The following EMSY variants were observed in gnomAD, a reference collection of about 807,000 sequenced individuals.
EMSY encodes EMSY transcriptional repressor, BRCA2 interacting.
In EMSY, 26 loss-of-function variants were observed where a neutral mutation model predicts 134.6. That is an observed-to-expected ratio of 0.19 (90% CI 0.14 to 0.27). The LOEUF is 0.27. EMSY is among the 10% of genes least tolerant of loss of function. The pLI is 1.00. For synonymous variants in EMSY, 579 were observed against 577.8 expected, an observed-to-expected ratio of 1.00 and a Z score of -0.03; for missense variants, 1,305 against 1,611.4, an observed-to-expected ratio of 0.81 and a Z score of 3.26.
chr11:76,453,107 A>G (rs907758462), intron 3 of EMSY, among the ~76,000 whole-genome samples: 4 of 152,196 alleles, frequency 2.6e-5, no homozygotes, highest in Non-Finnish European at 4.4e-5. Flanking sequence ...GCAACTAAAT[A>G]TTTCTTCAGT....
intron 2 of EMSY, among the ~76,000 whole-genome samples, chr11:76,448,686 C>CT (rs1356572407): frequency 6.6e-6 from 1 of 151,672 alleles, no homozygotes; most frequent in African/African-American, 2.4e-5. Context: ...GGGAGGTGAG[C>CT]TTTGATAGTG....
chr11:76,535,245 C>G (rs1254118745), intron 14 of EMSY, among the ~76,000 whole-genome samples: 2 of 152,124 alleles, frequency 1.3e-5, no homozygotes, highest in Non-Finnish European at 2.9e-5. Context: ...AAAGAATCAA[C>G]TTGCTAATAA....
intron 8 of EMSY, among the ~76,000 whole-genome samples, chr11:76,491,043 T>G (rs1049319292): frequency 3.9e-5 from 6 of 152,180 alleles, no homozygotes; most frequent in African/African-American, 9.7e-5. Flanking sequence ...TTTCCTGATA[T>G]GTAACCAAAT....
At chr11:76,506,562 G>A (rs1040873014) in intron 9 of EMSY, among the ~76,000 whole-genome samples, 1 of 152,126 alleles carries the variant, frequency 6.6e-6, no homozygotes, top group Non-Finnish European at 1.5e-5. Flanking sequence ...GATACAGATA[G>A]CACACAAAAA....
At chr11:76,472,776 T>C (rs2135364704) in exon 8 of EMSY, 2 of 1,614,162 alleles carry the variant, frequency 1.2e-6, no homozygotes, top group East Asian at 2.2e-5. Flanking sequence ...CTATTCCTAA[T>C]ACAGTTGCAG....
At chr11:76,483,701 A>C (rs1031343731) in intron 8 of EMSY, among the ~76,000 whole-genome samples, 2 of 152,232 alleles carry the variant, frequency 1.3e-5, no homozygotes, top group Non-Finnish European at 2.9e-5. Flanking sequence ...AGAGCTAACT[A>C]TCCTAAATAT....
intron 14 of EMSY, 147 bp from the exon 16 acceptor site, chr11:76,535,748 G>A (rs1189438606): frequency 1.1e-5 from 6 of 536,220 alleles, no homozygotes; most frequent in African/African-American, 3.9e-5. Flanking sequence ...ATGCCTTCTA[G>A]GGGCTTATAG....
At chr11:76,546,067 G>A in exon 20 of EMSY, 1 of 1,614,166 alleles carries the variant, frequency 6.2e-7, no homozygotes, top group Non-Finnish European at 8.5e-7. Flanking sequence ...CATGCTCACT[G>A]GTGAAGCAGG....
intron 7 of EMSY, among the ~76,000 whole-genome samples, chr11:76,468,672 TTG>T (rs1189921520): frequency 6.6e-6 from 1 of 152,252 alleles, no homozygotes; most frequent in Non-Finnish European, 1.5e-5. Flanking sequence ...ATTTATGAAT[TTG>T]TGGACTTTAT....
intron 7 of EMSY, among the ~76,000 whole-genome samples, chr11:76,467,582 G>T (rs1291574178): frequency 2.0e-5 from 3 of 152,164 alleles, no homozygotes; most frequent in Non-Finnish European, 1.5e-5. Context: ...TACCTGGCAT[G>T]TAGTAAGTGC....
intron 20 of EMSY, 73 bp from the exon 22 acceptor site, chr11:76,549,879 T>C (rs1280730689): frequency 4.6e-6 from 6 of 1,316,554 alleles, no homozygotes; most frequent in African/African-American, 1.5e-5. Context: ...TTTTTTTTTT[T>C]CTTGATATTG....
In EMSY at chr11:76,536,077, C is replaced by T. The variant is rs1473119736; in HGVS notation, c.2359+18C>T. On this transcript the variant is annotated intron_variant, in intron 15 of 20. Transcript: ENST00000334736. ...GACAACAGGTATGAATTCACATGCT[C>T]AATTGAATGAAGCATGTTTTCTCTA... 4 of 1,480,480 alleles carry T rather than the reference C, an allele frequency of 2.7e-6. No individual in the cohort carries two copies. In the Admixed American group the frequency reaches 6.4e-5, roughly 24 times the overall value. The allele number at this position is 1,480,480 out of a possible 1,614,324, so 91.7% of individuals were successfully genotyped here.
exon 5 of EMSY, chr11:76,458,293 T>C (rs1947958666): frequency 1.2e-6 from 2 of 1,613,928 alleles, no homozygotes; most frequent in African/African-American, 2.7e-5. Context: ...GCTAATGCTG[T>C]TGCTAATGCA....
chr11:76,552,714 A>G (rs1951865203), downstream of EMSY: 1 of 152,178 alleles, frequency 6.6e-6, no homozygotes, highest in Non-Finnish European at 1.5e-5. Context: ...GTTTTAGTAT[A>G]TCCACAGAGT....
intron 6 of EMSY, chr11:76,461,069 G>A (rs868669167): frequency 5.1e-4 from 77 of 152,292 alleles, no homozygotes; most frequent in African/African-American, 1.8e-3. Flanking sequence ...TTTGGGTGAG[G>A]ATCTTATGCT....
At chr11:76,526,141 T>C (rs1423784979) in intron 12 of EMSY, among the ~76,000 whole-genome samples, 1 of 152,202 alleles carries the variant, frequency 6.6e-6, no homozygotes, top group African/African-American at 2.4e-5. Flanking sequence ...CTATACCTTC[T>C]TCCAGAATTT....
At chr11:76,495,866 A>T (rs902837429) in intron 8 of EMSY, among the ~76,000 whole-genome samples, 1 of 152,162 alleles carries the variant, frequency 6.6e-6, no homozygotes, top group African/African-American at 2.4e-5. Flanking sequence ...CTTTGTTCTT[A>T]TATTATTCAC....
At chr11:76,461,709 A>G (rs1195528582) in intron 6 of EMSY, among the ~76,000 whole-genome samples, 1 of 152,092 alleles carries the variant, frequency 6.6e-6, no homozygotes, top group Non-Finnish European at 1.5e-5. Flanking sequence ...AGGTGGGTGG[A>G]TCAGTTGAGG....
At chr11:76,525,745 T>G (rs756814763) in intron 12 of EMSY, among the ~76,000 whole-genome samples, 1 of 152,118 alleles carries the variant, frequency 6.6e-6, no homozygotes, top group Non-Finnish European at 1.5e-5. Flanking sequence ...AATATATGAA[T>G]AGTAAAACAT....
Sources: allele counts gnomAD v4.1 joint callset (sites outside exome capture counted in the v4.1 genomes callset), GRCh38; gene constraint gnomAD v4.1.1; transcripts MANE v1.5; gene names NCBI Gene and HGNC (gene_info 2026-07-23, HGNC 2026-07-21).